The following PACRG variants were observed in gnomAD, a reference collection of about 807,000 sequenced individuals.
PACRG encodes the protein parkin coregulated gene protein.
PACRG carries 29 observed loss-of-function variants against 29.7 expected under a neutral mutation model. The ratio of observed to expected loss-of-function variants is 0.98; its 90% CI spans 0.73 to 1.33. The LOEUF is 1.33. Ranked by LOEUF, PACRG falls within the 40% of genes most tolerant of loss-of-function variation. The pLI is 0.00. For synonymous variants in PACRG, 116 were observed against 118.7 expected (o/e 0.98, Z 0.15); for missense variants, 279 against 316.2 (o/e 0.88, Z 0.89).
At chr6:162,751,081 A>G (rs73601934) in intron 1 of PACRG, among the ~76,000 whole-genome samples, 6,756 of 152,204 alleles carry the variant, frequency 0.044, 513 homozygotes, top group African/African-American at 0.15. Context: ...TACACTAGTC[A>G]AAGATGTTTC....
At position 162,799,954 on chromosome 6, in the gene PACRG, C is replaced by T. The variant is rs186378015; in HGVS notation, c.157-14193C>T. Among the ~76,000 whole-genome samples the T allele has an allele frequency of 1.3e-3, 198 of 152,324 alleles. 3 individuals carry two copies. The highest frequency in any genetic ancestry group is 4.5e-3 in the African/African-American group (187 of 41,572). On this transcript the variant is annotated intron_variant, in intron 1 of 4. Transcript: ENST00000366888. ...TTAGGAGAGTAGAATATATTTTACA[C>T]TCTTGCCCATTTATATTCTCCTTTC...
At chr6:162,876,026 G>C (rs1793317710) in intron 2 of PACRG, among the ~76,000 whole-genome samples, 1 of 152,122 alleles carries the variant, frequency 6.6e-6, no homozygotes, top group Non-Finnish European at 1.5e-5. Flanking sequence ...ATTACAAAAG[G>C]CCTCCCAGCT....
At chr6:162,900,873 A>G (rs962899143) in intron 2 of PACRG, among the ~76,000 whole-genome samples, 3 of 151,932 alleles carry the variant, frequency 2.0e-5, no homozygotes, top group African/African-American at 7.3e-5. Context: ...TACCTTGTTT[A>G]TTTTATTCAA....
rs995554935 is a variant in PACRG, at chr6:163,112,336, G to A, written c.613+22928G>A. Among the ~76,000 whole-genome samples, 19 of 152,220 alleles carry A rather than the reference G, an allele frequency of 1.2e-4. No individual in the cohort carries two copies. In the East Asian group the frequency reaches 1.9e-3, roughly 15 times the overall value. On this transcript the variant is annotated intron_variant, in intron 4 of 4. Coordinates refer to ENST00000366888, the MANE Select transcript of PACRG (RefSeq NM_001080379.2). ...AGGGAGCTGTGCACCTGTTCCTAGA[G>A]TAGCTTGCACACAGCTTGTGGGAGC... is the stretch of plus-strand genomic sequence containing the variant.
rs61434250 is a variant in PACRG, at chr6:162,947,470, A to AATCATATATATATAATC, written c.292-114678_292-114677insCATATATATATAATCAT. The stretch of plus-strand genomic sequence containing the variant: ...TATAATCATATATATAATCATATAT[A>AATCATATATATATAATC]ATATATATATAATCATATATATACT... On this transcript the variant is annotated intron_variant, in intron 2 of 4. Coordinates refer to ENST00000366888, the MANE Select transcript of PACRG (RefSeq NM_001080379.2). 4.2e-5 allele frequency among the ~76,000 whole-genome samples: 4 copies of AATCATATATATATAATC among 96,182 alleles called. 1 individual carries two copies. The highest frequency in any genetic ancestry group is 8.0e-5 in the Non-Finnish European group (4 of 50,150). 63.1% of individuals were successfully genotyped at this position (96,182 alleles called of 152,430 possible).
Position 163,082,604 on chromosome 6 carries a change from T to C in PACRG, c.464-6655T>C, listed in dbSNP as rs1464697378. Among the ~76,000 whole-genome samples the C allele has an allele frequency of 3.3e-5, 5 of 152,308 alleles. No homozygotes were observed. In the South Asian group the frequency reaches 1.0e-3, roughly 32 times the overall value. On this transcript the variant is annotated intron_variant, in intron 3 of 4. Coordinates refer to ENST00000366888, the MANE Select transcript of PACRG (RefSeq NM_001080379.2). ...GAACATATGTCTATGGAAAAGATAG[T>C]CCCTTCTGTTAGCGTCTCAGTACAC...
At chr6:163,272,311 A>G (rs552166150) in intron 4 of PACRG, among the ~76,000 whole-genome samples, 1 of 152,278 alleles carries the variant, frequency 6.6e-6, no homozygotes, top group African/African-American at 2.4e-5. Context: ...TGCTGGGATT[A>G]CAGGCGTAAG....
rs1389560459 is a variant in PACRG at position 162,923,927 on chromosome 6, G to T, written c.291+109646G>T. On this transcript the variant is annotated intron_variant, in intron 2 of 4. Coordinates refer to ENST00000366888, the MANE Select transcript of PACRG (RefSeq NM_001080379.2). Reference sequence around the variant, plus strand: ...GCTAGTTCTGTGAAGAATGCCATTGGTATTTTGATAGAGATTACATTGAAT... The same window carrying T: ...GCTAGTTCTGTGAAGAATGCCATTGTTATTTTGATAGAGATTACATTGAAT... Among the ~76,000 whole-genome samples the T allele has an allele frequency of 2.0e-5, 3 of 151,876 alleles. 1 individual carries two copies. Among genetic ancestry groups the T allele is most frequent in the Non-Finnish European group, 4.4e-5 (3 of 67,940 alleles).
intron 2 of PACRG, among the ~76,000 whole-genome samples, chr6:162,946,571 C>T (rs985160208): frequency 6.6e-6 from 1 of 152,038 alleles, no homozygotes; most frequent in South Asian, 2.1e-4. Context: ...CAAAGAAGAA[C>T]TAACACCAAT....
intron 2 of PACRG, among the ~76,000 whole-genome samples, chr6:162,934,259 T>C (rs1798076779): frequency 7.5e-6 from 1 of 132,636 alleles, no homozygotes; most frequent in South Asian, 2.3e-4. Flanking sequence ...CGAGACTGTC[T>C]CAAAAAAAAA....
intron 4 of PACRG, among the ~76,000 whole-genome samples, chr6:163,104,791 A>T (rs1260381307): frequency 3.3e-5 from 5 of 152,208 alleles, no homozygotes; most frequent in Non-Finnish European, 7.4e-5. Flanking sequence ...AGTTCTCCCA[A>T]CAATTCTCCC....
At chr6:162,965,677 G>C (rs1232139155) in intron 2 of PACRG, among the ~76,000 whole-genome samples, 1 of 152,190 alleles carries the variant, frequency 6.6e-6, no homozygotes, top group African/African-American at 2.4e-5. Flanking sequence ...CCTTGGCTAA[G>C]AAATTGGTGA....
chr6:163,303,780 G>A (rs947736386), intron 4 of PACRG, among the ~76,000 whole-genome samples: 5 of 151,998 alleles, frequency 3.3e-5, no homozygotes, highest in South Asian at 2.1e-4. Flanking sequence ...GGGCTGAGAC[G>A]GGGGGATCAC....
intron 2 of PACRG, among the ~76,000 whole-genome samples, chr6:162,995,011 C>T (rs1465358663): frequency 6.6e-6 from 1 of 150,876 alleles, no homozygotes; most frequent in East Asian, 1.9e-4. Context: ...AGTGAGGTGT[C>T]AGTGTGCCCC....
chr6:163,259,293 T>C (rs151201039), intron 4 of PACRG, among the ~76,000 whole-genome samples: 44 of 152,320 alleles, frequency 2.9e-4, no homozygotes, highest in African/African-American at 1.0e-3. Context: ...ATAACTGCTA[T>C]GGGGAGAGAT....
At chr6:163,051,684 C>T (rs1287930034) in intron 2 of PACRG, 4 of 152,294 alleles carry the variant, frequency 2.6e-5, no homozygotes, top group Admixed American at 2.0e-4. Flanking sequence ...CTTCTCTCAC[C>T]AAATGCTCTG....
At chr6:163,099,040 C>T (rs1206380340) in intron 4 of PACRG, among the ~76,000 whole-genome samples, 1 of 152,214 alleles carries the variant, frequency 6.6e-6, no homozygotes, top group Non-Finnish European at 1.5e-5. Context: ...CCTCCTATTT[C>T]ATCCTGTGAC....
At chr6:163,156,231 G>A (rs1186930171) in intron 4 of PACRG, among the ~76,000 whole-genome samples, 1 of 152,182 alleles carries the variant, frequency 6.6e-6, no homozygotes, top group African/African-American at 2.4e-5. Flanking sequence ...ATTTCAGTTT[G>A]CCTGAGCCAC....
chr6:162,759,463 C>T (rs1435941106), intron 1 of PACRG, among the ~76,000 whole-genome samples: 1 of 152,182 alleles, frequency 6.6e-6, no homozygotes, highest in Non-Finnish European at 1.5e-5. Flanking sequence ...GTAATAAATG[C>T]TCCAGATTCA....
Sources: allele counts gnomAD v4.1 joint callset (sites outside exome capture counted in the v4.1 genomes callset), GRCh38; gene constraint gnomAD v4.1.1; transcripts MANE v1.5; gene names NCBI Gene and HGNC (gene_info 2026-07-23, HGNC 2026-07-21).